PTBP1: variants seen among roughly 807,000 people sequenced by gnomAD.
PTBP1 encodes the protein polypyrimidine tract binding protein 1.
A neutral mutation model predicts 59.8 loss-of-function variants in PTBP1; 8 were observed. That is an observed-to-expected ratio of 0.13 (90% confidence interval 0.08 to 0.24). The LOEUF is 0.24. Among genes scored for constraint, PTBP1 ranks in the 10% least tolerant of loss-of-function variants. The pLI is 1.00. For missense variants in PTBP1, 686 were observed against 767.0 expected, an observed-to-expected ratio of 0.89 and a Z score of 1.25; for synonymous variants, 490 against 320.7, an observed-to-expected ratio of 1.53 and a Z score of -5.64.
At chr19:801,664 A>AGG (rs2145031557) in intron 2 of PTBP1, among the ~76,000 whole-genome samples, 1 of 152,274 alleles carries the variant, frequency 6.6e-6, no homozygotes, top group East Asian at 1.9e-4. Context: ...TCTGAGCTGG[A>AGG]GGGGAGAGCA....
At chr19:797,737 C>G (rs928307873) in intron 1 of PTBP1, among the ~76,000 whole-genome samples, 31 of 148,342 alleles carry the variant, frequency 2.1e-4, no homozygotes, top group Admixed American at 2.1e-3. Flanking sequence ...CCCCGCGCGC[C>G]CCGTCCCTAG....
intron 13 of PTBP1, among the ~76,000 whole-genome samples, chr19:810,313 AAAAG>A (rs1349338273): frequency 6.6e-6 from 1 of 152,048 alleles, no homozygotes; most frequent in Non-Finnish European, 1.5e-5. Context: ...CTGGAAAAAA[AAAAG>A]TGGAGGAGCG....
In PTBP1 at chr19:810,582, C is replaced by T. The variant is rs1449207365; in HGVS notation, c.1503C>T (p.Ser501=). The change falls in exon 14 of 15, where the codon TCC becomes TCT. Residue 501 remains serine (S), a synonymous_variant. Coordinates refer to ENST00000356948, the MANE Select transcript of PTBP1 (RefSeq NM_002819.5). ...AGGAGGATCTCAAGGTCCTGTTTTC[C>T]AGCAATGGGGGCGTCGTCAAAGGAT... The part of the protein sequence containing the change: ...VSEEDLKVLF[S]SNGGVVKGFK... The T allele has an allele frequency of 1.9e-6, 3 of 1,613,762 alleles. No individual in the cohort carries two copies. The highest frequency in any genetic ancestry group is 1.7e-5 in the Admixed American group (1 of 59,926).
chr19:805,312 C>T (rs952585904), intron 8 of PTBP1, 125 bp downstream of exon 8: 49 of 1,256,256 alleles, frequency 3.9e-5, no homozygotes, highest in Non-Finnish European at 5.5e-5. Flanking sequence ...TCTGCACGGC[C>T]AGCACAGCAC....
chr19:806,706 C>G, intron 10 of PTBP1, 150 bp downstream of exon 10: 2 of 653,506 alleles, frequency 3.1e-6, no homozygotes, highest in South Asian at 6.4e-5. Context: ...TGAGACCCTC[C>G]TTTTCCAAGA....
At chr19:799,313 C>A in intron 1 of PTBP1, 100 bp from the exon 2 acceptor site, 1 of 1,091,210 alleles carries the variant, frequency 9.2e-7, no homozygotes, top group Non-Finnish European at 1.4e-6. Context: ...GAGGTGGCAG[C>A]TGCAGGGACC....
At chr19:803,947 A>G (rs2034448074) in intron 3 of PTBP1, 89 bp from the exon 4 acceptor site, 3 of 1,508,300 alleles carry the variant, frequency 2.0e-6, no homozygotes, top group Non-Finnish European at 2.7e-6. Context: ...TGGTCTCCGT[A>G]GCAGGCAGGG....
In PTBP1 at chr19:804,858, G is replaced by A; in HGVS notation, c.636G>A (p.Lys212=). Residue 212 remains lysine, a synonymous_variant, in exon 7 of 15, where the codon AAG becomes AAA. Coordinates refer to ENST00000356948, the MANE Select transcript of PTBP1 (RefSeq NM_002819.5). ...TCTCCAAGTTCGGCACAGTGTTGAA[G>A]ATCATCACCTTCACCAAGAACAACC... is the stretch of plus-strand genomic sequence containing the variant. ...QIFSKFGTVL[K]IITFTKNNQF... 1.2e-6 allele frequency: 2 copies of A among 1,614,008 alleles called. No individual in the cohort carries two copies. The highest frequency in any genetic ancestry group is 8.5e-7 in the Non-Finnish European group (1 of 1,179,922).
chr19:806,251 G>T (rs976187159), intron 9 of PTBP1, 157 bp from the exon 10 acceptor site: 8 of 771,108 alleles, frequency 1.0e-5, no homozygotes, highest in Non-Finnish European at 1.5e-5. Flanking sequence ...CTGTGCGGGG[G>T]TCGGACGACC....
chr19:803,719 T>C (rs2145041684), intron 3 of PTBP1, 83 bp downstream of exon 3: 1 of 1,273,444 alleles, frequency 7.9e-7, no homozygotes, highest in Non-Finnish European at 1.1e-6. Flanking sequence ...GGGACTCTAC[T>C]TTCCATCTCC....
At chr19:801,837 T>G (rs1159623532) in intron 2 of PTBP1, among the ~76,000 whole-genome samples, 1 of 152,180 alleles carries the variant, frequency 6.6e-6, no homozygotes, top group Non-Finnish European at 1.5e-5. Context: ...CCCTTTCCCC[T>G]GGGCCTGCGC....
chr19:799,558 G>T (rs1199074590), intron 2 of PTBP1, 115 bp downstream of exon 2: 4 of 1,014,660 alleles, frequency 3.9e-6, no homozygotes, highest in South Asian at 1.3e-5. Context: ...TTCCTAAGGG[G>T]CACTACCCTT....
Position 811,811 on chromosome 19 carries a change from G to C in PTBP1, c.*985G>C, listed in dbSNP as rs1216503963. 6.6e-6 allele frequency: 1 copy of C among 152,476 alleles called. No individual in the cohort carries two copies. Among genetic ancestry groups the C allele is most frequent in the African/African-American group, 2.4e-5 (1 of 41,460 alleles). 9.4% of individuals were successfully genotyped at this position (152,476 alleles called of 1,614,324 possible). A position where few individuals can be genotyped will look rare whatever the true frequency, so the allele number is the denominator to read the frequency against. On this transcript the variant is annotated 3_prime_UTR_variant, in exon 15 of 15. Transcript: ENST00000356948. ...CCACGCCTTCACCTGCAGTCGCCTA[G>C]AAAACTTGCTCTCAAACTTCAGGGT...
intron 1 of PTBP1, 117 bp from the exon 2 acceptor site, chr19:799,296 C>G: frequency 1.1e-6 from 1 of 914,296 alleles, no homozygotes; most frequent in Non-Finnish European, 1.8e-6. Context: ...CCAGAGGGAG[C>G]CCTGCGGAGG....
rs780418434 is a variant in PTBP1, at chr19:804,563, C to T, written c.467C>T (p.Ser156Leu). The change falls in exon 6 of 15, where the codon TCG becomes TTG. Residue 156 changes from serine to leucine, a missense_variant. Ser to Leu is a moderately radical substitution (Grantham distance 145). Coordinates refer to ENST00000356948, the MANE Select transcript of PTBP1 (RefSeq NM_002819.5). ...CAGGCGGCCCTGCAGGCGGTGAACTCGGTCCAGTCGGGGAACCTGGCCTTG... is the reference window on the plus strand; with the variant it reads ...CAGGCGGCCCTGCAGGCGGTGAACTTGGTCCAGTCGGGGAACCTGGCCTTG... Reference protein sequence around the residue: ...RAQAALQAVNSVQSGNLALAA... With the variant: ...RAQAALQAVNLVQSGNLALAA... The T allele has an allele frequency of 3.2e-5, 51 of 1,607,890 alleles. No individual in the cohort carries two copies. The highest frequency in any genetic ancestry group is 4.1e-5 in the Non-Finnish European group (48 of 1,178,756).
chr19:808,793 C>CG lies in PTBP1; in HGVS notation c.1463+36dup. ...TGCTGGGCCGGGGGGCTCATGGGGCCGGGGGCGGGCAAGGGCTCTGCTTGG... is the reference window on the plus strand; with the variant it reads ...TGCTGGGCCGGGGGGCTCATGGGGCCGGGGGGCGGGCAAGGGCTCTGCTTGG... On this transcript the variant is annotated intron_variant, in intron 13 of 14. Coordinates refer to ENST00000356948, the MANE Select transcript of PTBP1 (RefSeq NM_002819.5). The surrounding 1 kb of genome is among the most constrained non-coding windows in gnomAD (Gnocchi z 4.7). 1 of 1,583,216 alleles carries CG rather than the reference C, an allele frequency of 6.3e-7. No individual in the cohort carries two copies. Among genetic ancestry groups the CG allele is most frequent in the Non-Finnish European group, 8.6e-7 (1 of 1,162,696 alleles).
chr19:809,791 TTGGGAGGTTGAGG>T (rs1305691185), intron 13 of PTBP1, among the ~76,000 whole-genome samples: 1 of 151,980 alleles, frequency 6.6e-6, no homozygotes, highest in Non-Finnish European at 1.5e-5. Context: ...CTCTTCCGGA[TTGGGAGGTTGAGG>T]TGGGAGGTTC....
intron 1 of PTBP1, among the ~76,000 whole-genome samples, chr19:797,897 C>G (rs1352430679): frequency 1.3e-5 from 2 of 148,836 alleles, no homozygotes; most frequent in East Asian, 3.9e-4. Flanking sequence ...TCCCCTCGTG[C>G]GCCTGCGTAG....
chr19:807,590 G>T, intron 10 of PTBP1: 2 of 404,538 alleles, frequency 4.9e-6, no homozygotes, highest in Non-Finnish European at 8.7e-6. Context: ...GCCCTGATCC[G>T]GAATTTCTTT....
Sources: allele counts gnomAD v4.1 joint callset (sites outside exome capture counted in the v4.1 genomes callset), GRCh38; gene constraint gnomAD v4.1.1; non-coding constraint Gnocchi (gnomAD v3.1); transcripts MANE v1.5; gene names NCBI Gene and HGNC (gene_info 2026-07-23, HGNC 2026-07-21).